Variants in LPAR1 observed in about 807,000 individuals in gnomAD.
LPAR1 encodes lysophosphatidic acid receptor 1, also known as LPA receptor 1.
LPAR1 carries 5 observed loss-of-function variants against 23.8 expected under a neutral mutation model. The ratio of observed to expected loss-of-function variants is 0.21; its 90% confidence interval spans 0.11 to 0.44. LPAR1 has a LOEUF of 0.44. LPAR1 is among the 20% of genes least tolerant of loss of function. The pLI is 0.99. For synonymous variants in LPAR1, 160 were observed against 164.7 expected (o/e 0.97, Z 0.22); for missense variants, 311 against 482.8 (o/e 0.64, Z 3.33).
chr9:110,980,030 A>T (rs1430643178), intron 2 of LPAR1, among the ~76,000 whole-genome samples: 10 of 152,102 alleles, frequency 6.6e-5, no homozygotes, highest in Admixed American at 2.0e-4. Flanking sequence ...GAGGAAAAGG[A>T]TTCATAGAAT....
intron 5 of LPAR1, among the ~76,000 whole-genome samples, chr9:110,910,580 C>G (rs537496643): frequency 5.1e-4 from 77 of 152,264 alleles, no homozygotes; most frequent in African/African-American, 1.9e-3. Context: ...TTTTGTAAAG[C>G]TAGAGCTGCC....
At chr9:110,880,278 C>T (rs2080379689) in intron 5 of LPAR1, among the ~76,000 whole-genome samples, 1 of 152,080 alleles carries the variant, frequency 6.6e-6, no homozygotes, top group African/African-American at 2.4e-5. Flanking sequence ...AATGCAGACG[C>T]AAAAGGCAGG....
intron 5 of LPAR1, among the ~76,000 whole-genome samples, chr9:110,900,404 AT>A (rs1389888131): frequency 6.6e-6 from 1 of 152,122 alleles, no homozygotes; most frequent in African/African-American, 2.4e-5. Context: ...AGTGGTCCGT[AT>A]TTCTCACTCC....
At chr9:111,025,077 G>C (rs1002132388) in intron 2 of LPAR1, among the ~76,000 whole-genome samples, 1 of 152,160 alleles carries the variant, frequency 6.6e-6, no homozygotes, top group African/African-American at 2.4e-5. Context: ...TAATGGGATG[G>C]CTGGGTCAAA....
chr9:110,949,268 G>GA (rs2095493955), intron 4 of LPAR1, among the ~76,000 whole-genome samples: 2 of 151,980 alleles, frequency 1.3e-5, no homozygotes, highest in Middle Eastern at 3.4e-3. Flanking sequence ...CTTCCAAAAG[G>GA]AAAAAAACAC....
intron 5 of LPAR1, among the ~76,000 whole-genome samples, chr9:110,912,305 G>C (rs1013779157): frequency 2.0e-5 from 3 of 152,160 alleles, no homozygotes; most frequent in African/African-American, 7.2e-5. Context: ...TTGTGAGCTT[G>C]AACATTGCCA....
At position 110,873,392 on chromosome 9, in the gene LPAR1, C is replaced by T. The variant is rs544321483; in HGVS notation, c.*2029G>A. 92 of 152,256 alleles carry T rather than the reference C, an allele frequency of 6.0e-4. No homozygotes were observed. The highest frequency in any genetic ancestry group is 2.1e-3 in the African/African-American group (87 of 41,556). The allele number at this position is 152,256 out of a possible 1,614,324, so 9.4% of individuals were successfully genotyped here. ...TCTTTCACTTCCAATATAAAGTATT[C>T]TGTATTTTGTATAAAGTACGTGCAA... On this transcript the variant is annotated 3_prime_UTR_variant, in exon 6 of 6. Coordinates refer to ENST00000683809, the MANE Select transcript of LPAR1 (RefSeq NM_001351411.2).
intron 2 of LPAR1, among the ~76,000 whole-genome samples, chr9:111,010,347 A>G (rs1588846363): frequency 6.6e-6 from 1 of 151,930 alleles, no homozygotes; most frequent in Non-Finnish European, 1.5e-5. Flanking sequence ...ATATCTGGGG[A>G]GGGAGAGAAC....
At chr9:111,001,777 T>C (rs2097133029) in intron 2 of LPAR1, among the ~76,000 whole-genome samples, 1 of 152,218 alleles carries the variant, frequency 6.6e-6, no homozygotes, top group East Asian at 1.9e-4. Context: ...AAAAAGACCG[T>C]GCTTGAAGAT....
At position 110,889,372 on chromosome 9, in the gene LPAR1, TAAATA is replaced by T. The variant is rs531501095; in HGVS notation, c.794-13655_794-13651del. Among the ~76,000 whole-genome samples, 451 of 151,610 alleles carry T rather than the reference TAAATA, an allele frequency of 3.0e-3. 1 individual carries two copies. Among genetic ancestry groups the T allele is most frequent in the Middle Eastern group, 6.8e-3 (2 of 294 alleles). On this transcript the variant is annotated intron_variant, in intron 5 of 5. Transcript: ENST00000683809. ...GACTCTGTCTCAAAAAATAAAAAAA[TAAATA>T]AAGAAAGAAAAAACCACATTAAGTT...
chr9:110,941,466 G>T lies in LPAR1; in HGVS notation c.748C>A (p.Arg250=). ...TTCAGAAGACTCATCATGGTATCCCGATTCCGCCGGGGTCCAGAACTATGC... is the reference window on the plus strand; with the variant it reads ...TTCAGAAGACTCATCATGGTATCCCTATTCCGCCGGGGTCCAGAACTATGC... The part of the protein sequence containing the change: ...SRHSSGPRRN[R]DTMMSLLKTV... Residue 250 remains arginine, a synonymous_variant, in exon 5 of 6, where the codon CGG becomes AGG. Transcript: ENST00000683809. This position sits in a 1 kb window ranked among gnomAD's most constrained non-coding sequence, Gnocchi z 6.1. 5 of 1,613,906 alleles carry T rather than the reference G, an allele frequency of 3.1e-6. No homozygotes were observed. Among genetic ancestry groups the T allele is most frequent in the Non-Finnish European group, 3.4e-6 (4 of 1,179,926 alleles).
chr9:110,977,185 A>G (rs1371521855), intron 2 of LPAR1, among the ~76,000 whole-genome samples: 2 of 152,196 alleles, frequency 1.3e-5, no homozygotes, highest in African/African-American at 4.8e-5. Context: ...TGATACCCCT[A>G]GTTTAGAGCG....
At chr9:110,918,942 G>C (rs936319047) in intron 5 of LPAR1, among the ~76,000 whole-genome samples, 1 of 151,786 alleles carries the variant, frequency 6.6e-6, no homozygotes, top group African/African-American at 2.4e-5. Flanking sequence ...CACACCCTAA[G>C]ATGTTCCAAA....
intron 5 of LPAR1, among the ~76,000 whole-genome samples, chr9:110,910,763 A>C (rs1467409392): frequency 6.6e-6 from 1 of 152,208 alleles, no homozygotes; most frequent in Admixed American, 6.5e-5. Flanking sequence ...GATGACTTTG[A>C]AGGGTTCAAG....
chr9:111,005,151 CAAAAAAAAAAAAAA>C (rs71371700), intron 2 of LPAR1, among the ~76,000 whole-genome samples: 1 of 74,290 alleles, frequency 1.3e-5, no homozygotes, highest in Non-Finnish European at 2.5e-5. Context: ...GACAAAGTCT[CAAAAAAAAAAAAAA>C]AAAAAAAAAA....
chr9:110,991,967 A>G (rs2096904158), intron 2 of LPAR1, among the ~76,000 whole-genome samples: 1 of 150,080 alleles, frequency 6.7e-6, no homozygotes, highest in African/African-American at 2.5e-5. Flanking sequence ...AGACTTCTGG[A>G]TAAAACTAAC....
At chr9:110,908,324 AATT>A (rs1197796391) in intron 5 of LPAR1, among the ~76,000 whole-genome samples, 2 of 149,104 alleles carry the variant, frequency 1.3e-5, no homozygotes, top group African/African-American at 4.9e-5. Flanking sequence ...AATTAATATT[AATT>A]AATATATTAT....
chr9:110,912,889 G>A (rs994697475), intron 5 of LPAR1, among the ~76,000 whole-genome samples: 1 of 152,104 alleles, frequency 6.6e-6, no homozygotes, highest in African/African-American at 2.4e-5. Context: ...TAATAAACAG[G>A]CTGACCTTAG....
chr9:111,012,732 A>G (rs1564338859), intron 2 of LPAR1, among the ~76,000 whole-genome samples: 1 of 152,128 alleles, frequency 6.6e-6, no homozygotes, highest in Non-Finnish European at 1.5e-5. Context: ...TACTTCATTC[A>G]CACTTGATCC....
Sources: gnomAD v4.1 joint callset for allele counts (sites outside exome capture counted in the v4.1 genomes callset) on GRCh38, gnomAD v4.1.1 for gene constraint, Gnocchi (gnomAD v3.1) non-coding constraint, MANE v1.5 for transcripts, NCBI Gene and HGNC (gene_info 2026-07-23, HGNC 2026-07-21) for gene names.